Variants in SCHIP1 observed in about 807,000 individuals in gnomAD.
SCHIP1 encodes schwannomin interacting protein 1.
SCHIP1 carries 8 observed loss-of-function variants against 29.7 expected under a neutral mutation model. The observed-to-expected ratio is 0.27, with a 90% CI of 0.16 to 0.49. The LOEUF (loss-of-function observed/expected upper bound fraction) is 0.49. Among genes scored for constraint, SCHIP1 ranks in the 20% least tolerant of loss-of-function variants. The pLI is 0.99. For missense variants in SCHIP1, 193 were observed against 294.6 expected (o/e 0.66, Z 2.52); for synonymous variants, 76 against 94.9 (o/e 0.80, Z 1.16).
chr3:159,646,438 A>G, the SCHIP1 span, among the ~76,000 whole-genome samples: 1 of 152,040 alleles, frequency 6.6e-6, no homozygotes, highest in Non-Finnish European at 1.5e-5. Flanking sequence ...ACTTTCTTAG[A>G]GCTGTACTGC....
chr3:159,557,568 C>G, the SCHIP1 span, among the ~76,000 whole-genome samples: 1 of 152,184 alleles, frequency 6.6e-6, no homozygotes, highest in Non-Finnish European at 1.5e-5. Context: ...GTAATCCCAT[C>G]GTGTTGGGAG....
the SCHIP1 span, among the ~76,000 whole-genome samples, chr3:159,453,737 T>G: frequency 6.6e-6 from 1 of 152,222 alleles, no homozygotes; most frequent in Non-Finnish European, 1.5e-5. Flanking sequence ...CCAGACTTCT[T>G]GATTGAGTGC....
the SCHIP1 span, among the ~76,000 whole-genome samples, chr3:159,549,358 T>C: frequency 1.3e-5 from 2 of 152,308 alleles, no homozygotes; most frequent in South Asian, 4.1e-4. Context: ...TAAATGTTTG[T>C]GTCCCCCCAC....
At chr3:159,871,007 A>G (rs916391201) in intron 2 of SCHIP1, among the ~76,000 whole-genome samples, 1 of 152,114 alleles carries the variant, frequency 6.6e-6, no homozygotes, top group Non-Finnish European at 1.5e-5. Flanking sequence ...TCCTCAGATC[A>G]GTCTGATGAG....
the SCHIP1 span, among the ~76,000 whole-genome samples, chr3:159,705,452 G>A: frequency 6.6e-6 from 1 of 152,040 alleles, no homozygotes; most frequent in South Asian, 2.1e-4. Context: ...GGTCCCCAGA[G>A]ATCATAACAT....
At chr3:159,837,418 C>T (rs938433910), upstream of SCHIP1, among the ~76,000 whole-genome samples, 1 of 152,128 alleles carries the variant, frequency 6.6e-6, no homozygotes, top group Admixed American at 6.5e-5. Flanking sequence ...CTTCTTTGCT[C>T]ATATTTAGAA....
At chr3:159,335,161 A>G in the SCHIP1 span, among the ~76,000 whole-genome samples, 3 of 151,842 alleles carry the variant, frequency 2.0e-5, no homozygotes, top group Non-Finnish European at 2.9e-5. Context: ...TGGCCTCCCA[A>G]ATGTTTTCAT....
chr3:159,747,188 G>C, the SCHIP1 span, among the ~76,000 whole-genome samples: 4 of 152,168 alleles, frequency 2.6e-5, no homozygotes, highest in Non-Finnish European at 4.4e-5. Flanking sequence ...TCTCCTTAAA[G>C]TAGCACCTCC....
the SCHIP1 span, among the ~76,000 whole-genome samples, chr3:159,672,778 A>C: frequency 6.6e-6 from 1 of 152,202 alleles, no homozygotes; most frequent in Non-Finnish European, 1.5e-5. Context: ...CAGTCTCCTC[A>C]TCTCTAGAAA....
chr3:159,324,545 AT>A, the SCHIP1 span, among the ~76,000 whole-genome samples: 1 of 152,060 alleles, frequency 6.6e-6, no homozygotes, highest in African/African-American at 2.4e-5. Flanking sequence ...TTATTAGCAT[AT>A]TTTTAAGTGC....
chr3:159,475,216 C>T, the SCHIP1 span, among the ~76,000 whole-genome samples: 1 of 152,114 alleles, frequency 6.6e-6, no homozygotes, highest in African/African-American at 2.4e-5. Context: ...TTGTGGTATA[C>T]TCATACAATG....
At chr3:159,512,558 T>A in the SCHIP1 span, among the ~76,000 whole-genome samples, 1 of 152,186 alleles carries the variant, frequency 6.6e-6, no homozygotes, top group South Asian at 2.1e-4. Context: ...ATTCAGCACT[T>A]CTTAATTTTT....
chr3:159,648,222 C>G, the SCHIP1 span, among the ~76,000 whole-genome samples: 1 of 151,472 alleles, frequency 6.6e-6, no homozygotes, highest in East Asian at 2.0e-4. Context: ...TTACCCTTGA[C>G]AGAAAGTTAG....
At chr3:159,328,694 G>A in the SCHIP1 span, among the ~76,000 whole-genome samples, 28,510 of 152,116 alleles carry the variant, frequency 0.19, 2,840 homozygotes, top group Middle Eastern at 0.29. Context: ...CAAGAGGCAG[G>A]TGGGCCAGGC....
chr3:159,314,033 T>A, the SCHIP1 span, among the ~76,000 whole-genome samples: 1 of 152,208 alleles, frequency 6.6e-6, no homozygotes, highest in Non-Finnish European at 1.5e-5. Flanking sequence ...TTATCTTTGT[T>A]CACTTGTATA....
chr3:159,427,981 T>C, the SCHIP1 span, among the ~76,000 whole-genome samples: 1 of 152,146 alleles, frequency 6.6e-6, no homozygotes, highest in Non-Finnish European at 1.5e-5. Flanking sequence ...CTGGGAAAAC[T>C]GGCTAGCCAT....
the SCHIP1 span, among the ~76,000 whole-genome samples, chr3:159,500,871 ATAC>A: frequency 6.6e-6 from 1 of 152,140 alleles, no homozygotes; most frequent in South Asian, 2.1e-4. Context: ...ATTCTATGTT[ATAC>A]TTATATATTG....
chr3:159,894,825 C>T (rs1236889426), intron 6 of SCHIP1: 1 of 151,906 alleles, frequency 6.6e-6, no homozygotes, highest in Non-Finnish European at 1.5e-5. Context: ...AAACCCTTTC[C>T]CTCCTTTGTT....
rs566940351 is a variant in SCHIP1, at chr3:159,843,001, C to CTTTTTTTTTTTTTTTTTTTTTTT, written c.30+2793_30+2815dup. Among the ~76,000 whole-genome samples the CTTTTTTTTTTTTTTTTTTTTTTT allele has an allele frequency of 8.6e-4, 55 of 63,722 alleles. 12 individuals are homozygous for CTTTTTTTTTTTTTTTTTTTTTTT. Among genetic ancestry groups the CTTTTTTTTTTTTTTTTTTTTTTT allele is most frequent in the Non-Finnish European group, 1.2e-3 (36 of 30,162 alleles). 41.8% of individuals were successfully genotyped at this position (63,722 alleles called of 152,430 possible). A position where few individuals can be genotyped will look rare whatever the true frequency, so the allele number is the denominator to read the frequency against. On this transcript the variant is annotated intron_variant, in intron 1 of 6. Coordinates refer to ENST00000445224, the Ensembl canonical transcript of SCHIP1. The stretch of plus-strand genomic sequence containing the variant: ...TCCAGTTCTATCCCAATATTTCTTT[C>CTTTTTTTTTTTTTTTTTTTTTTT]TTTTTTTTTTTTTTTTTTTTTTTTT...
Sources: allele counts gnomAD v4.1 joint callset (sites outside exome capture counted in the v4.1 genomes callset), GRCh38; gene constraint gnomAD v4.1.1; transcripts MANE v1.5; gene names NCBI Gene and HGNC (gene_info 2026-07-23, HGNC 2026-07-21).